The following NHLRC2 variants were observed in gnomAD, a reference collection of about 807,000 sequenced individuals.
NHLRC2 encodes NHL repeat containing 2.
In NHLRC2, 33 loss-of-function variants were observed where a neutral mutation model predicts 68.1. The ratio of observed to expected loss-of-function variants is 0.48; its 90% confidence interval spans 0.37 to 0.65. The LOEUF (loss-of-function observed/expected upper bound fraction) is 0.65, where lower values mean the gene tolerates loss of function less well. NHLRC2 is among the 30% of genes least tolerant of loss of function. The pLI is 0.00. For missense variants in NHLRC2, 761 were observed against 853.8 expected (o/e 0.89, Z 1.35); for synonymous variants, 311 against 309.6 (o/e 1.00, Z -0.05).
chr10:113,867,671 G>A (rs78945077), intron 2 of NHLRC2, among the ~76,000 whole-genome samples: 3,019 of 152,154 alleles, frequency 0.02, 108 homozygotes, highest in African/African-American at 0.07. Flanking sequence ...TGGAATCATC[G>A]TCTCATCCTT....
intron 6 of NHLRC2, among the ~76,000 whole-genome samples, chr10:113,899,152 T>C (rs1846206502): frequency 6.6e-6 from 1 of 152,080 alleles, no homozygotes; most frequent in Non-Finnish European, 1.5e-5. Context: ...CTCCTTTTGA[T>C]TGTTTTTATT....
chr10:113,905,378 T>G (rs1846267175), intron 10 of NHLRC2, among the ~76,000 whole-genome samples: 1 of 152,202 alleles, frequency 6.6e-6, no homozygotes, highest in Non-Finnish European at 1.5e-5. Context: ...AAGTCTGAAA[T>G]AGAGAAAGTG....
At chr10:113,867,457 A>T (rs1210368697) in intron 2 of NHLRC2, among the ~76,000 whole-genome samples, 2 of 152,200 alleles carry the variant, frequency 1.3e-5, no homozygotes, top group East Asian at 1.9e-4. Context: ...TTTATTTCCC[A>T]ATTTAGTGTT....
intron 9 of NHLRC2, among the ~76,000 whole-genome samples, chr10:113,904,398 A>T (rs978841415): frequency 1.3e-5 from 2 of 152,172 alleles, no homozygotes; most frequent in Non-Finnish European, 2.9e-5. Context: ...GTATATTTTT[A>T]AAAGAAACAT....
At chr10:113,874,462 G>A (rs1011658925) in intron 2 of NHLRC2, among the ~76,000 whole-genome samples, 1 of 140,608 alleles carries the variant, frequency 7.1e-6, no homozygotes, top group Non-Finnish European at 1.5e-5. Flanking sequence ...GTGTGTGTGT[G>A]TGTGTGTGTG....
At position 113,913,843 on chromosome 10, in the gene NHLRC2, T is replaced by TTG. The variant is rs1846351274; in HGVS notation, c.*5308_*5309insGT. 6.8e-6 allele frequency: 1 copy of TTG among 148,026 alleles called. No homozygotes were observed. Among genetic ancestry groups the TTG allele is most frequent in the African/African-American group, 2.6e-5 (1 of 38,664 alleles). The allele number at this position is 148,026 out of a possible 1,614,324, so 9.2% of individuals were successfully genotyped here. ...CATTAGGTACTTTTTGTTGTTGTTG[T>TTG]TTTGTTTTTTTTTTTTTTTTTTGAG... is the stretch of plus-strand genomic sequence containing the variant. On this transcript the variant is annotated 3_prime_UTR_variant, in exon 11 of 11. Coordinates refer to ENST00000369301, the MANE Select transcript of NHLRC2 (RefSeq NM_198514.4).
intron 10 of NHLRC2, among the ~76,000 whole-genome samples, chr10:113,905,661 T>C (rs1009626863): frequency 4.6e-5 from 7 of 152,140 alleles, no homozygotes; most frequent in Non-Finnish European, 5.9e-5. Flanking sequence ...TCCCACGCTC[T>C]TTCACACTTT....
At chr10:113,896,952 CCACTG>C (rs915774354) in intron 5 of NHLRC2, among the ~76,000 whole-genome samples, 1 of 151,300 alleles carries the variant, frequency 6.6e-6, no homozygotes, top group Non-Finnish European at 1.5e-5. Context: ...CGAGATTGCT[CCACTG>C]CACTCCAGCC....
chr10:113,870,140 T>C lies in NHLRC2; in HGVS notation c.332-6381T>C, dbSNP rs182858710. Among the ~76,000 whole-genome samples, 356 of 152,290 alleles carry C rather than the reference T, an allele frequency of 2.3e-3. 1 individual carries two copies. The highest frequency in any genetic ancestry group is 7.8e-3 in the African/African-American group (324 of 41,564). ...ATTACTTAGGCTATTCCTTCCCACT[T>C]CTCAGCTTCCCCCATTAAATTATGT... On this transcript the variant is annotated intron_variant, in intron 2 of 10. Coordinates refer to ENST00000369301, the MANE Select transcript of NHLRC2 (RefSeq NM_198514.4).
At chr10:113,907,004 A>G (rs1205841445) in intron 10 of NHLRC2, among the ~76,000 whole-genome samples, 1 of 152,204 alleles carries the variant, frequency 6.6e-6, no homozygotes, top group Non-Finnish European at 1.5e-5. Context: ...AATAAATAAA[A>G]TATAAGAAGT....
chr10:113,879,956 T>G (rs1846022211), intron 4 of NHLRC2, among the ~76,000 whole-genome samples: 1 of 152,030 alleles, frequency 6.6e-6, no homozygotes, highest in Non-Finnish European at 1.5e-5. Context: ...ACTCAAAAGC[T>G]CCTCATTTTG....
intron 10 of NHLRC2, among the ~76,000 whole-genome samples, chr10:113,907,686 C>A (rs1846289460): frequency 6.6e-6 from 1 of 152,042 alleles, no homozygotes; most frequent in Admixed American, 6.6e-5. Context: ...TATACAAAAT[C>A]TCTTGGTTTT....
Position 113,912,891 on chromosome 10 carries a change from C to G in NHLRC2, c.*4355C>G, listed in dbSNP as rs1589552021. The stretch of plus-strand genomic sequence containing the variant: ...TTATTCAGGCACGGGTCTCCTCATT[C>G]CTAACTCCAAGATGCAGAGGGAAAA... On this transcript the variant is annotated 3_prime_UTR_variant, in exon 11 of 11. Coordinates refer to ENST00000369301, the MANE Select transcript of NHLRC2 (RefSeq NM_198514.4). The G allele has an allele frequency of 6.6e-6, 1 of 152,134 alleles. No individual in the cohort carries two copies. The highest frequency in any genetic ancestry group is 1.5e-5 in the Non-Finnish European group (1 of 68,016). The allele number at this position is 152,134 out of a possible 1,614,324, so 9.4% of individuals were successfully genotyped here.
At chr10:113,893,495 G>A (rs778783177) in intron 5 of NHLRC2, among the ~76,000 whole-genome samples, 16 of 152,144 alleles carry the variant, frequency 1.1e-4, no homozygotes, top group Non-Finnish European at 1.6e-4. Context: ...AATAATCCAC[G>A]TAAAATTATT....
intron 3 of NHLRC2, 114 bp downstream of exon 3, chr10:113,877,090 A>AATTTT: frequency 3.3e-6 from 2 of 606,014 alleles, no homozygotes; most frequent in Non-Finnish European, 5.3e-6. Flanking sequence ...AAAGTGATAT[A>AATTTT]CATTGACTTA....
chr10:113,888,154 A>G (rs1331917329), intron 5 of NHLRC2, among the ~76,000 whole-genome samples: 1 of 152,196 alleles, frequency 6.6e-6, no homozygotes, highest in African/African-American at 2.4e-5. Flanking sequence ...GCTAGAGGCT[A>G]GGAATAAGGG....
chr10:113,899,917 T>TAA (rs556245602), intron 6 of NHLRC2, among the ~76,000 whole-genome samples: 1 of 146,240 alleles, frequency 6.8e-6, no homozygotes, highest in African/African-American at 2.5e-5. Flanking sequence ...AGACTCCGTT[T>TAA]AAAAAAAAAA....
At chr10:113,887,786 G>T (rs573504260) in intron 5 of NHLRC2, among the ~76,000 whole-genome samples, 1 of 152,158 alleles carries the variant, frequency 6.6e-6, no homozygotes, top group Admixed American at 6.5e-5. Context: ...AAAACAAAAA[G>T]AAAATGTATA....
Position 113,910,961 on chromosome 10 carries a change from A to G in NHLRC2, c.*2425A>G, listed in dbSNP as rs142811374. 3 of 152,334 alleles carry G rather than the reference A, an allele frequency of 2.0e-5. No individual in the cohort carries two copies. In the East Asian group the frequency reaches 5.8e-4, roughly 29 times the overall value. The allele number at this position is 152,334 out of a possible 1,614,324, so 9.4% of individuals were successfully genotyped here. A position where few individuals can be genotyped will look rare whatever the true frequency, so the allele number is the denominator to read the frequency against. On this transcript the variant is annotated 3_prime_UTR_variant, in exon 11 of 11. Coordinates refer to ENST00000369301, the MANE Select transcript of NHLRC2 (RefSeq NM_198514.4). ...TATAGATAGGTTCCTAGAATTTATG[A>G]CGAGGATAAACCTCTCACATAAGAG... is the stretch of plus-strand genomic sequence containing the variant.
Sources: allele counts gnomAD v4.1 joint callset (sites outside exome capture counted in the v4.1 genomes callset), GRCh38; gene constraint gnomAD v4.1.1; transcripts MANE v1.5; gene names NCBI Gene and HGNC (gene_info 2026-07-23, HGNC 2026-07-21).